MCTP1: variants seen among roughly 807,000 people sequenced by gnomAD.
MCTP1 encodes multiple C2 and transmembrane domain containing 1.
MCTP1 carries 69 observed loss-of-function variants against 120.6 expected under a neutral mutation model. The observed-to-expected ratio is 0.57, with a 90% CI of 0.47 to 0.70. The LOEUF is 0.70. Ranked by LOEUF, MCTP1 falls within the 30% of genes least tolerant of loss-of-function variation. The pLI is 0.00. For missense variants in MCTP1, 1,203 were observed against 1,248.8 expected, an observed-to-expected ratio of 0.96 and a Z score of 0.55; for synonymous variants, 529 against 493.1, an observed-to-expected ratio of 1.07 and a Z score of -0.96.
At chr5:95,259,695 G>T (rs1016400661) in intron 1 of MCTP1, among the ~76,000 whole-genome samples, 1 of 152,102 alleles carries the variant, frequency 6.6e-6, no homozygotes, top group African/African-American at 2.4e-5. Context: ...CTTAGAGGTG[G>T]CCATTAATTC....
rs1382410552 is a variant in MCTP1 at position 95,276,952 on chromosome 5, A to AG, written c.720+6903_720+6904insC. Among the ~76,000 whole-genome samples, 19 of 151,980 alleles carry AG rather than the reference A, an allele frequency of 1.3e-4. No homozygotes were observed. The South Asian group carries it at 4.0e-3, about 32-fold the overall frequency. On this transcript the variant is annotated intron_variant, in intron 1 of 22. Coordinates refer to ENST00000515393, the MANE Select transcript of MCTP1 (RefSeq NM_024717.7). ...GGGCCACAGAGGGAGACTCGGTCTCAAAAAACAAACAAACAAACAAACAAA... is the reference window on the plus strand; with the variant it reads ...GGGCCACAGAGGGAGACTCGGTCTCAGAAAAACAAACAAACAAACAAACAAA...
At chr5:94,906,821 A>G (rs990930100) in intron 10 of MCTP1, among the ~76,000 whole-genome samples, 1 of 152,162 alleles carries the variant, frequency 6.6e-6, no homozygotes, top group Non-Finnish European at 1.5e-5. Flanking sequence ...AAGGAATAGT[A>G]TTACCCTCCA....
rs528431451 is a variant in MCTP1 at position 94,790,559 on chromosome 5, T to C, written c.2556+8454A>G. On this transcript the variant is annotated intron_variant, in intron 18 of 22. Coordinates refer to ENST00000515393, the MANE Select transcript of MCTP1 (RefSeq NM_024717.7). ...AGCATAAACAACCACACAGAGAGGG[T>C]AAGCTTTAACTAGCCAAAGGGGACG... Among the ~76,000 whole-genome samples, 3 of 152,202 alleles carry C rather than the reference T, an allele frequency of 2.0e-5. No homozygotes were observed. In the East Asian group the frequency reaches 5.8e-4, roughly 29 times the overall value.
intron 19 of MCTP1, among the ~76,000 whole-genome samples, chr5:94,738,874 A>G (rs927175385): frequency 2.6e-5 from 4 of 152,228 alleles, no homozygotes; most frequent in Non-Finnish European, 4.4e-5. Context: ...GTGTCCACCA[A>G]TACAGCATTT....
intron 1 of MCTP1, among the ~76,000 whole-genome samples, chr5:95,227,647 A>G (rs531095079): frequency 6.6e-6 from 1 of 152,348 alleles, no homozygotes; most frequent in South Asian, 2.1e-4. Flanking sequence ...TCAGAGTAAT[A>G]TTATTTCCTT....
chr5:94,722,639 T>C (rs548131450), intron 19 of MCTP1, among the ~76,000 whole-genome samples: 1 of 152,324 alleles, frequency 6.6e-6, no homozygotes, highest in African/African-American at 2.4e-5. Flanking sequence ...TATTTGGATT[T>C]GAGATACCTT....
intron 1 of MCTP1, among the ~76,000 whole-genome samples, chr5:95,222,858 G>A (rs565271755): frequency 6.6e-6 from 1 of 152,306 alleles, no homozygotes; most frequent in African/African-American, 2.4e-5. Flanking sequence ...CATATATATT[G>A]AAAGAAATTT....
At chr5:95,066,469 A>T (rs553617533) in intron 1 of MCTP1, among the ~76,000 whole-genome samples, 34 of 152,284 alleles carry the variant, frequency 2.2e-4, no homozygotes, top group South Asian at 8.3e-4. Context: ...AAACAGAACT[A>T]TTATATGATC....
chr5:94,707,635 A>C, intron 22 of MCTP1, 68 bp from the exon 23 acceptor site: 1 of 1,177,534 alleles, frequency 8.5e-7, no homozygotes. Context: ...GGAACAGCAA[A>C]GGAATGAGAG....
chr5:95,068,548 G>A (rs1751273496), intron 1 of MCTP1, among the ~76,000 whole-genome samples: 1 of 152,170 alleles, frequency 6.6e-6, no homozygotes, highest in Admixed American at 6.5e-5. Context: ...TTTCTATAGT[G>A]TCTAACACTC....
chr5:95,077,065 T>C (rs1456052796), intron 1 of MCTP1, among the ~76,000 whole-genome samples: 3 of 152,198 alleles, frequency 2.0e-5, no homozygotes, highest in East Asian at 1.9e-4. Context: ...TCACTCACAA[T>C]TGACTAATTG....
At chr5:94,893,338 A>T (rs1467269401) in intron 11 of MCTP1, among the ~76,000 whole-genome samples, 4 of 152,234 alleles carry the variant, frequency 2.6e-5, no homozygotes, top group Non-Finnish European at 4.4e-5. Flanking sequence ...TATACTGATT[A>T]ATTCCATTAA....
chr5:94,795,924 A>C (rs1779907082), intron 18 of MCTP1, among the ~76,000 whole-genome samples: 1 of 152,242 alleles, frequency 6.6e-6, no homozygotes, highest in Non-Finnish European at 1.5e-5. Flanking sequence ...TGCTCATTAA[A>C]CTAGAATAGG....
At position 94,791,500 on chromosome 5, in the gene MCTP1, T is replaced by TACAC. The variant is rs1215532713; in HGVS notation, c.2556+7509_2556+7512dup. The stretch of plus-strand genomic sequence containing the variant: ...ACAGAGGGAGACCCTGTTTCTAAAA[T>TACAC]ACACACACACACACACACTCATATA... On this transcript the variant is annotated intron_variant, in intron 18 of 22. Transcript: ENST00000515393. Among the ~76,000 whole-genome samples, 958 of 149,172 alleles carry TACAC rather than the reference T, an allele frequency of 6.4e-3. 8 individuals carry two copies. Among genetic ancestry groups the TACAC allele is most frequent in the African/African-American group, 0.019 (766 of 40,372 alleles).
In MCTP1 at chr5:95,061,408, GTTTT is replaced by G. The variant is rs556663513; in HGVS notation, c.721-43928_721-43925del. Among the ~76,000 whole-genome samples the G allele has an allele frequency of 1.4e-3, 48 of 33,462 alleles. 8 individuals are homozygous for G. The highest frequency in any genetic ancestry group is 3.6e-3 in the Admixed American group (10 of 2,802). 22.0% of individuals were successfully genotyped at this position (33,462 alleles called of 152,430 possible). On this transcript the variant is annotated intron_variant, in intron 1 of 22. Transcript: ENST00000515393. ...ATCAATTTTCACAAACCCCTTAAGG[GTTTT>G]TTTTTTTTTTTTTTTTTTTTTTTTT...
At chr5:95,229,383 A>G (rs1754655066) in intron 1 of MCTP1, among the ~76,000 whole-genome samples, 1 of 152,206 alleles carries the variant, frequency 6.6e-6, no homozygotes, top group Non-Finnish European at 1.5e-5. Context: ...TGGACAGTAT[A>G]TCTACAATTT....
At chr5:94,819,842 T>G (rs936414113) in intron 17 of MCTP1, among the ~76,000 whole-genome samples, 1 of 152,206 alleles carries the variant, frequency 6.6e-6, no homozygotes, top group African/African-American at 2.4e-5. Context: ...CGTTTTCAGA[T>G]AGTTCATTCT....
At chr5:94,949,771 T>C (rs538423573) in intron 3 of MCTP1, among the ~76,000 whole-genome samples, 2 of 152,250 alleles carry the variant, frequency 1.3e-5, no homozygotes, top group South Asian at 2.1e-4. Flanking sequence ...CACAGATGCA[T>C]TTTCATACTC....
chr5:94,925,027 T>C (rs1430655212), intron 6 of MCTP1, among the ~76,000 whole-genome samples: 2 of 152,228 alleles, frequency 1.3e-5, no homozygotes, highest in African/African-American at 2.4e-5. Flanking sequence ...CCATGTTTAA[T>C]TACTTCTGTC....
Sources: gnomAD v4.1 joint callset for allele counts (sites outside exome capture counted in the v4.1 genomes callset) on GRCh38, gnomAD v4.1.1 for gene constraint, MANE v1.5 for transcripts, NCBI Gene and HGNC (gene_info 2026-07-23, HGNC 2026-07-21) for gene names.